Variants in PPP6R3 observed in about 807,000 individuals in gnomAD.
PPP6R3 encodes the protein serine/threonine-protein phosphatase 6 regulatory subunit 3.
Under a neutral mutation model 110.7 loss-of-function variants are expected in PPP6R3, and 38 were observed. That is an observed-to-expected ratio of 0.34 (90% CI 0.26 to 0.45). The LOEUF is 0.45. Among genes scored for constraint, PPP6R3 ranks in the 20% least tolerant of loss-of-function variants. The pLI, the probability that PPP6R3 is intolerant of heterozygous loss-of-function variation, is 1.00. For synonymous variants in PPP6R3, 369 were observed against 373.5 expected, an observed-to-expected ratio of 0.99 and a Z score of 0.14; for missense variants, 870 against 1,062.4, an observed-to-expected ratio of 0.82 and a Z score of 2.52.
chr11:68,527,233 G>A (rs1475949026), intron 2 of PPP6R3, among the ~76,000 whole-genome samples: 2 of 152,178 alleles, frequency 1.3e-5, no homozygotes, highest in East Asian at 3.8e-4. Context: ...TCTTGTAGCG[G>A]ATACCTTGGC....
intron 7 of PPP6R3, among the ~76,000 whole-genome samples, chr11:68,556,558 A>G (rs903979185): frequency 2.6e-5 from 4 of 151,980 alleles, no homozygotes; most frequent in Admixed American, 6.6e-5. Flanking sequence ...AACGAAAAAA[A>G]AAAACAATGA....
At chr11:68,495,901 CTG>C (rs1369881203) in intron 1 of PPP6R3, among the ~76,000 whole-genome samples, 1 of 152,212 alleles carries the variant, frequency 6.6e-6, no homozygotes, top group Non-Finnish European at 1.5e-5. Context: ...TTTTGAGAAA[CTG>C]TGAGACTATT....
At chr11:68,474,621 T>G (rs904489834) in intron 1 of PPP6R3, among the ~76,000 whole-genome samples, 1 of 152,226 alleles carries the variant, frequency 6.6e-6, no homozygotes, top group Non-Finnish European at 1.5e-5. Flanking sequence ...TCTTGAGAGT[T>G]TATGTAAAAG....
chr11:68,483,395 A>T (rs2098927870), intron 1 of PPP6R3, among the ~76,000 whole-genome samples: 1 of 152,212 alleles, frequency 6.6e-6, no homozygotes, highest in Admixed American at 6.5e-5. Flanking sequence ...TCCTGTCCCC[A>T]CACTTCTGTG....
At position 68,464,142 on chromosome 11, in the gene PPP6R3, A is replaced by T. The variant is rs552682077; in HGVS notation, c.-158+3315A>T. ...AAATGGTGGGATTGAGAATCTTATT[A>T]ATTTTTTTTGAGATGAGTCTAGCTC... On this transcript the variant is annotated intron_variant, in intron 1 of 23. Coordinates refer to ENST00000393800, the MANE Select transcript of PPP6R3 (RefSeq NM_001164161.2). 2.6e-5 allele frequency among the ~76,000 whole-genome samples: 4 copies of T among 152,232 alleles called. No individual in the cohort carries two copies. In the East Asian group the frequency reaches 7.7e-4, roughly 29 times the overall value.
At chr11:68,557,913 T>A (rs1328652203) in intron 7 of PPP6R3, among the ~76,000 whole-genome samples, 1 of 152,220 alleles carries the variant, frequency 6.6e-6, no homozygotes, top group Admixed American at 6.5e-5. Flanking sequence ...ATGAACTGGT[T>A]TATGTTAATT....
intron 23 of PPP6R3, among the ~76,000 whole-genome samples, chr11:68,612,732 T>C (rs772015303): frequency 1.3e-5 from 2 of 152,116 alleles, no homozygotes; most frequent in Non-Finnish European, 2.9e-5. Flanking sequence ...AACACATAGC[T>C]CCTGAAGGCT....
At chr11:68,482,599 T>TAG (rs1256495999) in intron 1 of PPP6R3, among the ~76,000 whole-genome samples, 6 of 152,166 alleles carry the variant, frequency 3.9e-5, no homozygotes. Flanking sequence ...GTCTTGACTG[T>TAG]AGAGGTAGGA....
intron 22 of PPP6R3, 147 bp downstream of exon 22, chr11:68,603,639 T>A: frequency 9.7e-7 from 1 of 1,027,038 alleles, no homozygotes; most frequent in Non-Finnish European, 1.4e-6. Flanking sequence ...TTAAACACAA[T>A]AAATCTTAAT....
intron 3 of PPP6R3, among the ~76,000 whole-genome samples, chr11:68,543,854 G>GT (rs2099331948): frequency 6.6e-6 from 1 of 152,186 alleles, no homozygotes; most frequent in African/African-American, 2.4e-5. Flanking sequence ...CATAGTAGGA[G>GT]TAAGTGGAGG....
At chr11:68,601,170 C>T (rs571937238) in intron 20 of PPP6R3, among the ~76,000 whole-genome samples, 1 of 152,362 alleles carries the variant, frequency 6.6e-6, no homozygotes, top group East Asian at 1.9e-4. Flanking sequence ...GTTATTTCGT[C>T]TACCCCGCTT....
At chr11:68,483,020 T>C (rs2098925395) in intron 1 of PPP6R3, among the ~76,000 whole-genome samples, 3 of 152,206 alleles carry the variant, frequency 2.0e-5, no homozygotes, top group Admixed American at 2.0e-4. Context: ...GTTGTTATTA[T>C]CACAAACAAT....
chr11:68,532,983 A>T (rs891953301), intron 2 of PPP6R3, among the ~76,000 whole-genome samples: 3 of 152,190 alleles, frequency 2.0e-5, no homozygotes, highest in African/African-American at 7.2e-5. Flanking sequence ...TTGTTGTGTG[A>T]CTGTGTAGTC....
intron 1 of PPP6R3, among the ~76,000 whole-genome samples, chr11:68,473,565 G>A (rs927655461): frequency 2.0e-5 from 3 of 152,222 alleles, no homozygotes; most frequent in Admixed American, 6.5e-5. Context: ...TGCGGGGGAA[G>A]CACAGGTAAA....
intron 6 of PPP6R3, among the ~76,000 whole-genome samples, 197 bp downstream of exon 6, chr11:68,551,383 T>C (rs913671929): frequency 2.0e-5 from 3 of 152,234 alleles, no homozygotes; most frequent in Admixed American, 2.0e-4. Flanking sequence ...TTTCCAGAAG[T>C]GTACAACAGC....
chr11:68,555,412 T>C (rs2099395457), intron 7 of PPP6R3, among the ~76,000 whole-genome samples: 1 of 152,200 alleles, frequency 6.6e-6, no homozygotes, highest in Non-Finnish European at 1.5e-5. Context: ...CAAAGCCACA[T>C]GTAATTTAAA....
chr11:68,558,487 C>T, intron 7 of PPP6R3, 79 bp from the exon 8 acceptor site: 1 of 864,998 alleles, frequency 1.2e-6, no homozygotes, highest in Non-Finnish European at 1.9e-6. Context: ...TGATGCTTGT[C>T]TTGTACCGTC....
intron 1 of PPP6R3, among the ~76,000 whole-genome samples, chr11:68,511,006 T>C (rs1022293254): frequency 3.9e-5 from 6 of 152,188 alleles, no homozygotes; most frequent in Non-Finnish European, 8.8e-5. Flanking sequence ...TTGTTAACAT[T>C]TTGGTTAAAT....
At chr11:68,526,288 CT>C (rs1425276275) in intron 2 of PPP6R3, among the ~76,000 whole-genome samples, 1 of 151,606 alleles carries the variant, frequency 6.6e-6, no homozygotes, top group Non-Finnish European at 1.5e-5. Flanking sequence ...CAGGGTCTTA[CT>C]CTGTCAGCCA....
Sources: gnomAD v4.1 joint callset for allele counts (sites outside exome capture counted in the v4.1 genomes callset) on GRCh38, gnomAD v4.1.1 for gene constraint, MANE v1.5 for transcripts, NCBI Gene and HGNC (gene_info 2026-07-23, HGNC 2026-07-21) for gene names.